Variants in WDR49 observed in about 807,000 individuals in gnomAD.
WDR49 encodes cilia- and flagella-associated protein 337.
In WDR49, 107 loss-of-function variants were observed where a neutral mutation model predicts 119.5. That is an observed-to-expected ratio of 0.90 (90% CI 0.77 to 1.05). WDR49 has a LOEUF of 1.05. WDR49 is among the 50% of genes least tolerant of loss of function. The probability of loss-of-function intolerance (pLI) is 0.00; values close to 1 mark genes in which losing one functional copy is unlikely to be tolerated. For missense variants in WDR49, 1,240 were observed against 1,220.5 expected, an observed-to-expected ratio of 1.02 and a Z score of -0.24; for synonymous variants, 425 against 418.8, an observed-to-expected ratio of 1.01 and a Z score of -0.18.
intron 2 of WDR49, among the ~76,000 whole-genome samples, chr3:167,648,129 A>G (rs2108346595): frequency 6.6e-6 from 1 of 152,318 alleles, no homozygotes; most frequent in Non-Finnish European, 1.5e-5. Flanking sequence ...GGAGAATTCA[A>G]TTGAATATTT....
In WDR49 at chr3:167,484,110, T is replaced by C. The variant is rs140001594; in HGVS notation, c.3032-5114A>G. Among the ~76,000 whole-genome samples, 591 of 152,340 alleles carry C rather than the reference T, an allele frequency of 3.9e-3. 3 individuals carry two copies. Among genetic ancestry groups the C allele is most frequent in the African/African-American group, 0.013 (560 of 41,572 alleles). ...CCTTGCTGTGATGACTTTCTTGATG[T>C]ATTAAGTTGCCTAGGGTAAAGTCCA... On this transcript the variant is annotated intron_variant, in intron 18 of 18. Coordinates refer to ENST00000682715, the MANE Select transcript of WDR49 (RefSeq NM_001366157.1).
Position 167,653,459 on chromosome 3 carries a change from A to G in WDR49, c.-34T>C, listed in dbSNP as rs759967743. ...CACCTTTTCTCAGTTGCCTTCAACT[A>G]TTTCTATAAGGATGGATCTTCTTTT... On this transcript the variant is annotated 5_prime_UTR_variant, in exon 2 of 19. Coordinates refer to ENST00000682715, the MANE Select transcript of WDR49 (RefSeq NM_001366157.1). The G allele has an allele frequency of 4.2e-5, 61 of 1,452,622 alleles. No individual in the cohort carries two copies. Among genetic ancestry groups the G allele is most frequent in the Middle Eastern group, 1.8e-4 (1 of 5,602 alleles). 90.0% of individuals were successfully genotyped at this position (1,452,622 alleles called of 1,614,324 possible).
intron 10 of WDR49, among the ~76,000 whole-genome samples, chr3:167,544,980 TCAAA>T (rs1266847864): frequency 6.6e-6 from 1 of 151,274 alleles, no homozygotes; most frequent in Non-Finnish European, 1.5e-5. Flanking sequence ...CTACAAGAAC[TCAAA>T]CAAATCAGCA....
intron 2 of WDR49, among the ~76,000 whole-genome samples, chr3:167,645,622 C>A (rs1471548456): frequency 2.6e-5 from 4 of 152,142 alleles, no homozygotes; most frequent in African/African-American, 7.2e-5. Flanking sequence ...TCTCCTTCTA[C>A]TTCTGGAAAA....
chr3:167,642,744 C>A (rs1225895544), intron 2 of WDR49, among the ~76,000 whole-genome samples: 3 of 152,040 alleles, frequency 2.0e-5, no homozygotes, highest in East Asian at 3.9e-4. Context: ...GGTTCCAGGT[C>A]TTGGGCACAT....
At chr3:167,626,054 T>C (rs927703373) in intron 3 of WDR49, among the ~76,000 whole-genome samples, 1 of 152,050 alleles carries the variant, frequency 6.6e-6, no homozygotes. Context: ...CAGGAAAATA[T>C]GTACATGACT....
chr3:167,503,613 C>T (rs1295477919), intron 17 of WDR49, among the ~76,000 whole-genome samples: 2 of 152,168 alleles, frequency 1.3e-5, no homozygotes, highest in African/African-American at 4.8e-5. Flanking sequence ...GCCTTTAGCC[C>T]GATCGGGAGC....
intron 17 of WDR49, among the ~76,000 whole-genome samples, chr3:167,503,618 G>T (rs550354257): frequency 5.3e-5 from 8 of 152,256 alleles, no homozygotes; most frequent in Admixed American, 2.0e-4. Flanking sequence ...TAGCCCGATC[G>T]GGAGCAGCAA....
intron 10 of WDR49, among the ~76,000 whole-genome samples, chr3:167,542,830 T>A (rs998627539): frequency 6.6e-6 from 1 of 151,138 alleles, no homozygotes; most frequent in Non-Finnish European, 1.5e-5. Flanking sequence ...ACAAAAAAAA[T>A]GCAAAAGATA....
chr3:167,490,854 T>C (rs545541439), intron 18 of WDR49, among the ~76,000 whole-genome samples: 7 of 152,234 alleles, frequency 4.6e-5, no homozygotes, highest in African/African-American at 1.7e-4. Flanking sequence ...AAACACCACT[T>C]TCGGGATCTA....
intron 18 of WDR49, among the ~76,000 whole-genome samples, chr3:167,496,158 GAAT>G (rs1751347029): frequency 6.6e-6 from 1 of 152,020 alleles, no homozygotes. Flanking sequence ...ATCACTTTAA[GAAT>G]AATACAAATA....
chr3:167,570,276 C>T (rs971371707), intron 8 of WDR49, among the ~76,000 whole-genome samples: 1 of 152,126 alleles, frequency 6.6e-6, no homozygotes, highest in Non-Finnish European at 1.5e-5. Flanking sequence ...CTGTCTTGTA[C>T]GATGGAGATA....
At chr3:167,479,766 T>C (rs779177819) in intron 18 of WDR49, among the ~76,000 whole-genome samples, 3 of 152,128 alleles carry the variant, frequency 2.0e-5, no homozygotes, top group African/African-American at 4.8e-5. Context: ...GTAAAAGATA[T>C]TATAACAATA....
chr3:167,535,793 T>G (rs1013054810), intron 11 of WDR49, among the ~76,000 whole-genome samples: 2 of 152,150 alleles, frequency 1.3e-5, no homozygotes, highest in Admixed American at 1.3e-4. Flanking sequence ...TTATGTTTTT[T>G]GCAGCATTAT....
chr3:167,551,997 A>G (rs976566724), intron 10 of WDR49, among the ~76,000 whole-genome samples: 1 of 152,046 alleles, frequency 6.6e-6, no homozygotes, highest in African/African-American at 2.4e-5. Flanking sequence ...ATAGGAATAA[A>G]TGTTAGCCAA....
chr3:167,485,826 A>G lies in WDR49; in HGVS notation c.3032-6830T>C, dbSNP rs7648458. Among the ~76,000 whole-genome samples the G allele has an allele frequency of 3.5e-3, 526 of 152,296 alleles. 1 individual carries two copies. The highest frequency in any genetic ancestry group is 0.017 in the Middle Eastern group (5 of 294). The stretch of plus-strand genomic sequence containing the variant: ...AGAAAATAAGCAACTTGGAAAATAT[A>G]TTTGAGGATATAGTCCACAAATATT... On this transcript the variant is annotated intron_variant, in intron 18 of 18. Coordinates refer to ENST00000682715, the MANE Select transcript of WDR49 (RefSeq NM_001366157.1).
intron 16 of WDR49, among the ~76,000 whole-genome samples, chr3:167,520,804 C>T (rs1020152066): frequency 1.8e-4 from 28 of 152,130 alleles, no homozygotes; most frequent in African/African-American, 5.8e-4. Context: ...AGCTCCAAAA[C>T]TGATCTTGTG....
chr3:167,565,775 A>T (rs73029919), intron 8 of WDR49, among the ~76,000 whole-genome samples: 8,294 of 152,184 alleles, frequency 0.054, 693 homozygotes, highest in African/African-American at 0.19. Flanking sequence ...CGGTCAGTGC[A>T]CAGAGATTCA....
chr3:167,481,370 G>C (rs953143308), intron 18 of WDR49, among the ~76,000 whole-genome samples: 11 of 151,862 alleles, frequency 7.2e-5, no homozygotes, highest in African/African-American at 2.7e-4. Flanking sequence ...AAGAGGAAGT[G>C]ATGAAATATG....
Sources: allele counts gnomAD v4.1 joint callset (sites outside exome capture counted in the v4.1 genomes callset), GRCh38; gene constraint gnomAD v4.1.1; transcripts MANE v1.5; gene names NCBI Gene and HGNC (gene_info 2026-07-23, HGNC 2026-07-21).